The following KCNQ4 variants were observed in gnomAD, a reference collection of about 807,000 sequenced individuals.
The protein encoded by KCNQ4 is potassium voltage-gated channel subfamily Q member 4.
KCNQ4 carries 31 observed loss-of-function variants against 72.6 expected under a neutral mutation model. That is an observed-to-expected ratio of 0.43 (90% CI 0.32 to 0.58). The LOEUF is 0.58. Ranked by LOEUF, KCNQ4 falls within the 20% of genes least tolerant of loss-of-function variation. KCNQ4 has a pLI of 0.08. For missense variants in KCNQ4, 869 were observed against 962.6 expected, an observed-to-expected ratio of 0.90 and a Z score of 1.29; for synonymous variants, 405 against 403.7, an observed-to-expected ratio of 1.00 and a Z score of -0.04.
chr1:40,823,180 G>T (rs187011126), intron 8 of KCNQ4, among the ~76,000 whole-genome samples: 1 of 152,242 alleles, frequency 6.6e-6, no homozygotes, highest in Admixed American at 6.5e-5. Context: ...TCTGCACCTG[G>T]CTTCCCCATC....
At chr1:40,834,527 T>C (rs540538287) in intron 11 of KCNQ4, among the ~76,000 whole-genome samples, 1 of 151,978 alleles carries the variant, frequency 6.6e-6, no homozygotes, top group South Asian at 2.1e-4. Context: ...GGCAGATCGC[T>C]TGAGTCCAGG....
chr1:40,837,884 A>T (rs1288933616), intron 13 of KCNQ4, 90 bp downstream of exon 13: 6 of 1,517,576 alleles, frequency 4.0e-6, no homozygotes, highest in Non-Finnish European at 5.4e-6. Flanking sequence ...CCACAGCCAC[A>T]GCCCAAGGGT....
chr1:40,792,571 T>A (rs1238496440), intron 1 of KCNQ4, among the ~76,000 whole-genome samples: 1 of 151,910 alleles, frequency 6.6e-6, no homozygotes, highest in Non-Finnish European at 1.5e-5. Flanking sequence ...CCTTATGGAG[T>A]AACATGGGAG....
chr1:40,835,228 G>T, intron 12 of KCNQ4, 130 bp downstream of exon 12: 1 of 1,249,180 alleles, frequency 8.0e-7, no homozygotes, highest in Non-Finnish European at 1.1e-6. Context: ...GACTGAGGAG[G>T]TCCCTGGCTT....
chr1:40,820,713 A>G (rs150400090), intron 7 of KCNQ4, among the ~76,000 whole-genome samples: 1 of 152,336 alleles, frequency 6.6e-6, no homozygotes, highest in East Asian at 1.9e-4. Flanking sequence ...AGGAATCTCA[A>G]CATTTAGCAG....
At chr1:40,836,517 G>A (rs1015431381) in intron 12 of KCNQ4, among the ~76,000 whole-genome samples, 1 of 152,196 alleles carries the variant, frequency 6.6e-6, no homozygotes, top group African/African-American at 2.4e-5. Context: ...TGTCGAAAGT[G>A]TAGAGGAATT....
At chr1:40,837,187 A>C (rs1250962755) in intron 12 of KCNQ4, among the ~76,000 whole-genome samples, 1 of 151,606 alleles carries the variant, frequency 6.6e-6, no homozygotes, top group Non-Finnish European at 1.5e-5. Context: ...TCTCCGGCTC[A>C]AGTGATCTTC....
intron 13 of KCNQ4, 71 bp from the exon 14 acceptor site, chr1:40,838,240 A>G (rs564737052): frequency 3.0e-6 from 4 of 1,346,540 alleles, no homozygotes; most frequent in South Asian, 1.2e-5. Context: ...CCGCCCCGAG[A>G]CCCAAGCCCC....
At chr1:40,810,646 G>C (rs901481605) in intron 1 of KCNQ4, among the ~76,000 whole-genome samples, 1 of 152,170 alleles carries the variant, frequency 6.6e-6, no homozygotes, top group Non-Finnish European at 1.5e-5. Flanking sequence ...TGTCGAGAGA[G>C]AGAGCCGTGG....
chr1:40,815,068 C>T (rs188293935), intron 1 of KCNQ4, among the ~76,000 whole-genome samples: 22 of 150,864 alleles, frequency 1.5e-4, no homozygotes, highest in African/African-American at 5.2e-4. Flanking sequence ...GGTGCAACCC[C>T]GTCTCTACTA....
At chr1:40,815,549 C>G (rs1179546319) in intron 1 of KCNQ4, among the ~76,000 whole-genome samples, 1 of 152,180 alleles carries the variant, frequency 6.6e-6, no homozygotes, top group East Asian at 1.9e-4. Flanking sequence ...AGCTGGTGCT[C>G]TTCTCTTCTG....
At chr1:40,814,653 G>A (rs115841013) in intron 1 of KCNQ4, among the ~76,000 whole-genome samples, 1,567 of 152,124 alleles carry the variant, frequency 0.01, 35 homozygotes, top group African/African-American at 0.036. Context: ...ACAGTGAGTC[G>A]TGATCATGCT....
At chr1:40,806,526 G>C (rs1364539824) in intron 1 of KCNQ4, among the ~76,000 whole-genome samples, 1 of 152,222 alleles carries the variant, frequency 6.6e-6, no homozygotes, top group Admixed American at 6.5e-5. Context: ...GGTGGGAGAG[G>C]AGGAAGCTAT....
Position 40,805,634 on chromosome 1 carries a change from G to C in KCNQ4, c.315-11631G>C, listed in dbSNP as rs538603306. ...TCAGACACAGCATGAGTAAAGGTGG[G>C]GAGGGGAAAAGAGCGCGTTTGCCAT... On this transcript the variant is annotated intron_variant, in intron 1 of 13. Coordinates refer to ENST00000347132, the MANE Select transcript of KCNQ4 (RefSeq NM_004700.4). Among the ~76,000 whole-genome samples the C allele has an allele frequency of 3.1e-5, 4 of 128,192 alleles. No homozygotes were observed. The East Asian group carries it at 8.5e-4, about 27-fold the overall frequency. 84.1% of individuals were successfully genotyped at this position (128,192 alleles called of 152,430 possible). A position where few individuals can be genotyped will look rare whatever the true frequency, so the allele number is the denominator to read the frequency against.
rs1647185126 is a variant in KCNQ4 at position 40,784,546 on chromosome 1, C to T, written c.314+139C>T. The stretch of plus-strand genomic sequence containing the variant: ...CATCTCTCTCCCCCCAGGCCTAAGC[C>T]CGGTTTCTGATCCCCTCGCTGAGCC... On this transcript the variant is annotated intron_variant, in intron 1 of 13. Transcript: ENST00000347132. This position sits in a 1 kb window ranked among gnomAD's most constrained non-coding sequence, Gnocchi z 4.1. The T allele has an allele frequency of 2.4e-6, 2 of 827,338 alleles. No individual in the cohort carries two copies. The highest frequency in any genetic ancestry group is 2.6e-5 in the East Asian group (1 of 38,282). 51.2% of individuals were successfully genotyped at this position (827,338 alleles called of 1,614,324 possible).
intron 1 of KCNQ4, among the ~76,000 whole-genome samples, chr1:40,800,489 C>G (rs956623292): frequency 1.3e-5 from 2 of 152,190 alleles, no homozygotes; most frequent in Admixed American, 1.3e-4. Flanking sequence ...CATTTATACT[C>G]TCTCCCCAGT....
At chr1:40,799,439 C>A (rs12748623) in intron 1 of KCNQ4, among the ~76,000 whole-genome samples, 24 of 151,698 alleles carry the variant, frequency 1.6e-4, no homozygotes, top group African/African-American at 4.3e-4. Context: ...CATGCCCCCC[C>A]CCTCGCTAGG....
At position 40,820,270 on chromosome 1, in the gene KCNQ4, G is replaced by A; in HGVS notation, c.1041+10G>A. On this transcript the variant is annotated intron_variant, in intron 7 of 13. Coordinates refer to ENST00000347132, the MANE Select transcript of KCNQ4 (RefSeq NM_004700.4). ...AGCCAACCTCATCCAGGTACAAGAT[G>A]CCCGGGAAGAAGCCCTAGGAGCAGG... The A allele has an allele frequency of 1.9e-6, 3 of 1,592,068 alleles. No homozygotes were observed. Among genetic ancestry groups the A allele is most frequent in the South Asian group, 1.1e-5 (1 of 87,950 alleles).
intron 1 of KCNQ4, among the ~76,000 whole-genome samples, chr1:40,786,410 C>T (rs1341242221): frequency 6.6e-6 from 1 of 152,246 alleles, no homozygotes; most frequent in Non-Finnish European, 1.5e-5. Context: ...AGCTAATCCA[C>T]TGGCACCTTT....
Sources: gnomAD v4.1 joint callset for allele counts (sites outside exome capture counted in the v4.1 genomes callset) on GRCh38, gnomAD v4.1.1 for gene constraint, Gnocchi (gnomAD v3.1) non-coding constraint, MANE v1.5 for transcripts, NCBI Gene and HGNC (gene_info 2026-07-23, HGNC 2026-07-21) for gene names.